The following IMMP2L variants were observed in gnomAD, a reference collection of about 807,000 sequenced individuals.
IMMP2L encodes the protein mitochondrial inner membrane protease subunit 2.
A neutral mutation model predicts 19.3 loss-of-function variants in IMMP2L; 18 were observed. The ratio of observed to expected loss-of-function variants is 0.93; its 90% CI spans 0.64 to 1.38. The LOEUF (loss-of-function observed/expected upper bound fraction) is 1.38, where lower values mean the gene tolerates loss of function less well. Ranked by LOEUF, IMMP2L falls within the 40% of genes most tolerant of loss-of-function variation. The pLI, the probability that IMMP2L is intolerant of heterozygous loss-of-function variation, is 0.00. For synonymous variants in IMMP2L, 76 were observed against 73.0 expected (o/e 1.04, Z -0.21); for missense variants, 233 against 218.2 (o/e 1.07, Z -0.43).
intron 3 of IMMP2L, among the ~76,000 whole-genome samples, chr7:111,473,838 T>A (rs1841482663): frequency 6.6e-6 from 1 of 152,012 alleles, no homozygotes; most frequent in South Asian, 2.1e-4. Context: ...AAAAGGAAAA[T>A]AAATCATTCT....
chr7:111,061,006 T>C (rs931405087), intron 3 of IMMP2L, among the ~76,000 whole-genome samples: 4 of 152,224 alleles, frequency 2.6e-5, no homozygotes, highest in Non-Finnish European at 4.4e-5. Flanking sequence ...CTTTTATGCA[T>C]AATAAAATAT....
chr7:111,022,073 C>T (rs1176013436), intron 3 of IMMP2L, among the ~76,000 whole-genome samples: 3 of 152,162 alleles, frequency 2.0e-5, no homozygotes, highest in African/African-American at 7.2e-5. Flanking sequence ...AATCAATCAA[C>T]ATTTCCTAAG....
At position 110,728,538 on chromosome 7, in the gene IMMP2L, G is replaced by T. The variant is rs1171946006; in HGVS notation, c.409-64817C>A. ...AATAAAATAAAATAACAATATTAAAGGCCCCTTTTGACCCACCTTACCTGC... is the reference window on the plus strand; with the variant it reads ...AATAAAATAAAATAACAATATTAAATGCCCCTTTTGACCCACCTTACCTGC... On this transcript the variant is annotated intron_variant, in intron 5 of 5. Coordinates refer to ENST00000405709, the MANE Select transcript of IMMP2L (RefSeq NM_032549.4). This position sits in a 1 kb window ranked among gnomAD's most constrained non-coding sequence, Gnocchi z 4.6. Among the ~76,000 whole-genome samples the T allele has an allele frequency of 6.6e-6, 1 of 151,954 alleles. No homozygotes were observed. The highest frequency in any genetic ancestry group is 1.5e-5 in the Non-Finnish European group (1 of 67,956).
intron 4 of IMMP2L, among the ~76,000 whole-genome samples, chr7:110,898,795 T>C (rs999163484): frequency 6.6e-6 from 1 of 150,788 alleles, no homozygotes; most frequent in African/African-American, 2.5e-5. Flanking sequence ...ATCAGCTCTT[T>C]TTCCTGAGTT....
chr7:110,850,361 A>G (rs932786932), intron 5 of IMMP2L, among the ~76,000 whole-genome samples: 1 of 152,156 alleles, frequency 6.6e-6, no homozygotes, highest in Non-Finnish European at 1.5e-5. Context: ...ACCTTTCTCC[A>G]TGACAATGAC....
At chr7:111,385,481 C>A (rs778121078) in intron 3 of IMMP2L, among the ~76,000 whole-genome samples, 1 of 152,128 alleles carries the variant, frequency 6.6e-6, no homozygotes, top group Non-Finnish European at 1.5e-5. Context: ...GAGTCCACAA[C>A]CACACATTCG....
At chr7:111,466,551 T>C (rs1328855737) in intron 3 of IMMP2L, among the ~76,000 whole-genome samples, 2 of 152,180 alleles carry the variant, frequency 1.3e-5, no homozygotes, top group Admixed American at 6.5e-5. Context: ...GAACAAAAAG[T>C]GATTACTGTT....
At chr7:111,458,783 A>G (rs1300416361) in intron 3 of IMMP2L, among the ~76,000 whole-genome samples, 4 of 152,158 alleles carry the variant, frequency 2.6e-5, no homozygotes, top group Non-Finnish European at 5.9e-5. Flanking sequence ...ATCCCCAAAG[A>G]ACATTTTTAG....
chr7:111,216,064 C>T (rs1321826384), intron 3 of IMMP2L, among the ~76,000 whole-genome samples: 1 of 152,156 alleles, frequency 6.6e-6, no homozygotes. Context: ...TTCACAAATA[C>T]ATCTTCATTC....
At chr7:111,252,753 TC>T (rs1279479667) in intron 3 of IMMP2L, among the ~76,000 whole-genome samples, 1 of 152,134 alleles carries the variant, frequency 6.6e-6, no homozygotes, top group African/African-American at 2.4e-5. Flanking sequence ...TGCAAACATA[TC>T]TTTTGATATT....
rs1034790510 is a variant in IMMP2L at position 110,777,651 on chromosome 7, C to G, written c.408+108942G>C. Among the ~76,000 whole-genome samples the G allele has an allele frequency of 4.6e-5, 7 of 152,026 alleles. No individual in the cohort carries two copies. The East Asian group carries it at 1.4e-3, about 30-fold the overall frequency. On this transcript the variant is annotated intron_variant, in intron 5 of 5. Coordinates refer to ENST00000405709, the MANE Select transcript of IMMP2L (RefSeq NM_032549.4). ...AGCTTCATTCTATAAATATGTTTGG[C>G]AGAAGTGTCATTCTGCATTAATTTT... is the stretch of plus-strand genomic sequence containing the variant.
intron 3 of IMMP2L, chr7:111,097,341 A>AT (rs2129579137): frequency 6.6e-6 from 1 of 152,046 alleles, no homozygotes; most frequent in East Asian, 1.9e-4. Context: ...AATAGTAGAT[A>AT]TTTTAACTAT....
At chr7:111,096,699 TA>T (rs1302877685) in intron 3 of IMMP2L, among the ~76,000 whole-genome samples, 6 of 151,928 alleles carry the variant, frequency 3.9e-5, no homozygotes, top group Non-Finnish European at 7.4e-5. Context: ...TCCAGGTTAC[TA>T]AAAATTATGA....
At chr7:110,893,835 AC>A (rs1238164999) in intron 4 of IMMP2L, among the ~76,000 whole-genome samples, 2 of 152,030 alleles carry the variant, frequency 1.3e-5, no homozygotes, top group Non-Finnish European at 2.9e-5. Context: ...GTGGCCAAAT[AC>A]CCTATTTTTA....
intron 5 of IMMP2L, among the ~76,000 whole-genome samples, chr7:110,743,625 A>G (rs1797132965): frequency 6.6e-6 from 1 of 152,164 alleles, no homozygotes. Context: ...CAGTGGGTGC[A>G]GCCCAAGGAG....
intron 5 of IMMP2L, among the ~76,000 whole-genome samples, chr7:110,741,936 G>C (rs1261945575): frequency 2.0e-5 from 3 of 152,112 alleles, no homozygotes; most frequent in Non-Finnish European, 4.4e-5. Context: ...AAATTGGCAA[G>C]AAAATAATCA....
chr7:111,307,750 G>C (rs1002927207), intron 3 of IMMP2L, among the ~76,000 whole-genome samples: 6 of 150,974 alleles, frequency 4.0e-5, no homozygotes, highest in Admixed American at 3.3e-4. Context: ...TTTCCTATTT[G>C]TTCCAATTGT....
Position 111,346,084 on chromosome 7 carries a change from T to C in IMMP2L, c.239+141154A>G, listed in dbSNP as rs935326495. Among the ~76,000 whole-genome samples, 3 of 152,172 alleles carry C rather than the reference T, an allele frequency of 2.0e-5. No individual in the cohort carries two copies. The East Asian group carries it at 5.8e-4, about 29-fold the overall frequency. On this transcript the variant is annotated intron_variant, in intron 3 of 5. Coordinates refer to ENST00000405709, the MANE Select transcript of IMMP2L (RefSeq NM_032549.4). The stretch of plus-strand genomic sequence containing the variant: ...CCACTCTCTTCTAAATATGTTGTCA[T>C]TGCTATATTTCAATGATCAAAGACA...
At chr7:111,338,537 C>T (rs1035840311) in intron 3 of IMMP2L, among the ~76,000 whole-genome samples, 1 of 151,980 alleles carries the variant, frequency 6.6e-6, no homozygotes, top group Non-Finnish European at 1.5e-5. Flanking sequence ...CTTAATAGTA[C>T]AAGTTTATGA....
Sources: allele counts gnomAD v4.1 joint callset (sites outside exome capture counted in the v4.1 genomes callset), GRCh38; gene constraint gnomAD v4.1.1; non-coding constraint Gnocchi (gnomAD v3.1); transcripts MANE v1.5; gene names NCBI Gene and HGNC (gene_info 2026-07-23, HGNC 2026-07-21).